Variants in ZNF608 observed in about 807,000 individuals in gnomAD.
ZNF608 encodes the protein renal carcinoma antigen NY-REN-36.
A neutral mutation model predicts 109.0 loss-of-function variants in ZNF608; 12 were observed. That is an observed-to-expected ratio of 0.11 (90% CI 0.07 to 0.18). The LOEUF is 0.18. Among genes scored for constraint, ZNF608 ranks in the 10% least tolerant of loss-of-function variants. The pLI is 1.00. For missense variants in ZNF608, 1,707 were observed against 1,879.3 expected (o/e 0.91, Z 1.70); for synonymous variants, 732 against 717.4 (o/e 1.02, Z -0.33).
At chr5:124,708,741 T>A (rs1413248886) in intron 2 of ZNF608, 4 of 456,256 alleles carry the variant, frequency 8.8e-6, no homozygotes, top group Non-Finnish European at 4.4e-6. Context: ...TGCCCTCAAG[T>A]GCTGTTCAGG....
At chr5:124,732,065 A>G (rs1221777227) in intron 2 of ZNF608, among the ~76,000 whole-genome samples, 1 of 152,160 alleles carries the variant, frequency 6.6e-6, no homozygotes, top group Admixed American at 6.5e-5. Flanking sequence ...GATCTATAAA[A>G]TGAAGCTATC....
chr5:124,654,318 G>A (rs985361618), intron 3 of ZNF608, among the ~76,000 whole-genome samples: 1 of 152,010 alleles, frequency 6.6e-6, no homozygotes, highest in Non-Finnish European at 1.5e-5. Context: ...ACCACACCCA[G>A]CCTCTATGTC....
chr5:124,651,091 A>C (rs1173555025), intron 3 of ZNF608, among the ~76,000 whole-genome samples: 1 of 152,264 alleles, frequency 6.6e-6, no homozygotes, highest in Admixed American at 6.5e-5. Context: ...AATTCAGTGT[A>C]CTGTAGCAAT....
intron 2 of ZNF608, among the ~76,000 whole-genome samples, chr5:124,717,379 G>A (rs7700316): frequency 0.32 from 48,626 of 151,908 alleles, 8,257 homozygotes; most frequent in Middle Eastern, 0.45. Flanking sequence ...GCTGAGGCAG[G>A]AGAATTGCTT....
chr5:124,747,311 C>G (rs985593375), upstream of ZNF608, among the ~76,000 whole-genome samples: 5 of 151,668 alleles, frequency 3.3e-5, no homozygotes, highest in African/African-American at 1.2e-4. Flanking sequence ...GGCCCCGGAG[C>G]TTGGCTTAGT....
At chr5:124,696,416 ACT>A in intron 3 of ZNF608, among the ~76,000 whole-genome samples, 1 of 152,178 alleles carries the variant, frequency 6.6e-6, no homozygotes, top group East Asian at 1.9e-4. Flanking sequence ...CCCGCCAAAA[ACT>A]CTGATTCTCT....
At chr5:124,741,623 C>G (rs1269448686) in intron 2 of ZNF608, among the ~76,000 whole-genome samples, 1 of 152,114 alleles carries the variant, frequency 6.6e-6, no homozygotes, top group African/African-American at 2.4e-5. Context: ...GGTGAAGCTT[C>G]TGGTCCTACT....
intron 3 of ZNF608, among the ~76,000 whole-genome samples, chr5:124,673,649 T>C (rs1751820541): frequency 6.6e-6 from 1 of 152,068 alleles, no homozygotes; most frequent in Admixed American, 6.6e-5. Flanking sequence ...GAAAACAAAA[T>C]AGAGTTAAAC....
intron 2 of ZNF608, among the ~76,000 whole-genome samples, chr5:124,704,799 T>A (rs187784237): frequency 6.6e-6 from 1 of 152,050 alleles, no homozygotes; most frequent in Admixed American, 6.6e-5. Flanking sequence ...TCACAGAATG[T>A]CGCCTAGCCC....
chr5:124,669,658 A>AACAC (rs56258363), intron 3 of ZNF608, among the ~76,000 whole-genome samples: 5,116 of 148,236 alleles, frequency 0.035, 293 homozygotes, highest in African/African-American at 0.12. Context: ...AACACACACA[A>AACAC]ACACACACAC....
chr5:124,711,027 C>A (rs1339868422), intron 2 of ZNF608, among the ~76,000 whole-genome samples: 1 of 152,180 alleles, frequency 6.6e-6, no homozygotes, highest in African/African-American at 2.4e-5. Flanking sequence ...AGTTACTTCT[C>A]AGGGTCAGGA....
chr5:124,721,521 G>A (rs1753902000), intron 2 of ZNF608, among the ~76,000 whole-genome samples: 2 of 152,046 alleles, frequency 1.3e-5, no homozygotes, highest in Admixed American at 1.3e-4. Context: ...TGTGTTTCCA[G>A]AGCAATAAAT....
chr5:124,669,882 A>C (rs1273346888), intron 3 of ZNF608, among the ~76,000 whole-genome samples: 2 of 152,226 alleles, frequency 1.3e-5, no homozygotes, highest in Admixed American at 6.5e-5. Flanking sequence ...TACATTATAC[A>C]AACTAAGATA....
At chr5:124,659,391 G>A (rs112246550) in intron 3 of ZNF608, among the ~76,000 whole-genome samples, 59 of 152,276 alleles carry the variant, frequency 3.9e-4, no homozygotes, top group Middle Eastern at 3.4e-3. Context: ...TGCCACTTCC[G>A]TATTTTCTGT....
chr5:124,704,552 T>C (rs1753182677), intron 2 of ZNF608, among the ~76,000 whole-genome samples: 1 of 152,204 alleles, frequency 6.6e-6, no homozygotes, highest in Non-Finnish European at 1.5e-5. Context: ...GGTGTTTTTA[T>C]TTGGCAGGTA....
chr5:124,667,662 G>C (rs1751533995), intron 3 of ZNF608, among the ~76,000 whole-genome samples: 1 of 152,132 alleles, frequency 6.6e-6, no homozygotes, highest in South Asian at 2.1e-4. Context: ...AATTTAACAA[G>C]TGCATATCAT....
intron 3 of ZNF608, among the ~76,000 whole-genome samples, chr5:124,690,118 CA>C (rs1363890521): frequency 3.3e-5 from 5 of 152,136 alleles, no homozygotes; most frequent in Admixed American, 2.0e-4. Context: ...TAAAAGAAGC[CA>C]ATCTGAAAAA....
intron 2 of ZNF608, among the ~76,000 whole-genome samples, chr5:124,739,045 T>C (rs1165564896): frequency 6.6e-6 from 1 of 152,222 alleles, no homozygotes; most frequent in Non-Finnish European, 1.5e-5. Context: ...AGAGCAAGAA[T>C]GCATTATGTG....
intron 3 of ZNF608, among the ~76,000 whole-genome samples, chr5:124,690,906 C>T (rs1383636981): frequency 7.0e-6 from 1 of 143,070 alleles, no homozygotes; most frequent in Non-Finnish European, 1.5e-5. Flanking sequence ...AACAGGGACT[C>T]CTTCAAAGCA....
Sources: allele counts gnomAD v4.1 joint callset (sites outside exome capture counted in the v4.1 genomes callset), GRCh38; gene constraint gnomAD v4.1.1; transcripts MANE v1.5; gene names NCBI Gene and HGNC (gene_info 2026-07-23, HGNC 2026-07-21).